The following SPMIP2 variants were observed in gnomAD, a reference collection of about 807,000 sequenced individuals.
The protein encoded by SPMIP2 is sperm microtubule inner protein 2, also known as protein SPMIP2.
the SPMIP2 span, among the ~76,000 whole-genome samples, chr4:159,032,589 C>G: frequency 3.9e-5 from 6 of 152,202 alleles, no homozygotes; most frequent in East Asian, 1.2e-3. Flanking sequence ...TTAATTAAGA[C>G]TCTTGCACAG....
the SPMIP2 span, chr4:159,007,130 C>A: frequency 1.5e-6 from 1 of 662,784 alleles, no homozygotes; most frequent in African/African-American, 1.8e-5. Flanking sequence ...ATGGCCAAGC[C>A]GTGTGGGGTG....
chr4:158,976,938 G>A, the SPMIP2 span, among the ~76,000 whole-genome samples: 1 of 152,042 alleles, frequency 6.6e-6, no homozygotes, highest in Admixed American at 6.6e-5. Flanking sequence ...GGGATTACAG[G>A]CATGAGCCAC....
chr4:159,007,290 A>T, the SPMIP2 span: 1 of 1,010,722 alleles, frequency 9.9e-7, no homozygotes, highest in South Asian at 1.3e-5. Context: ...GGCTGACCTG[A>T]CTTCCCTCCG....
the SPMIP2 span, among the ~76,000 whole-genome samples, chr4:158,908,668 ACT>A: frequency 6.6e-6 from 1 of 151,908 alleles, no homozygotes; most frequent in African/African-American, 2.4e-5. Flanking sequence ...ATTCATGAAG[ACT>A]CTGTATATAG....
the SPMIP2 span, among the ~76,000 whole-genome samples, chr4:159,049,068 TAGAA>T: frequency 8.5e-5 from 13 of 152,262 alleles, no homozygotes; most frequent in East Asian, 2.3e-3. Context: ...CTGATTTTCA[TAGAA>T]AGAAAATAAA....
chr4:158,987,654 A>C, the SPMIP2 span, among the ~76,000 whole-genome samples: 1 of 152,134 alleles, frequency 6.6e-6, no homozygotes. Flanking sequence ...GGGGAGGGAT[A>C]GCATTAGGAG....
At chr4:159,013,868 A>G in the SPMIP2 span, among the ~76,000 whole-genome samples, 8 of 152,334 alleles carry the variant, frequency 5.3e-5, 1 homozygote, top group Middle Eastern at 6.8e-3. Flanking sequence ...CAAATACTGC[A>G]TGATTTCACT....
the SPMIP2 span, among the ~76,000 whole-genome samples, chr4:158,952,839 G>A: frequency 1.3e-5 from 2 of 152,222 alleles, no homozygotes; most frequent in Non-Finnish European, 2.9e-5. Flanking sequence ...TTTTAGCAAA[G>A]AGACTGGTGG....
chr4:158,951,109 T>C, the SPMIP2 span, among the ~76,000 whole-genome samples: 1 of 152,248 alleles, frequency 6.6e-6, no homozygotes, highest in African/African-American at 2.4e-5. Flanking sequence ...TTCCCTGTTA[T>C]AAGCTTCTTG....
chr4:159,043,402 A>G, the SPMIP2 span, among the ~76,000 whole-genome samples: 1 of 152,078 alleles, frequency 6.6e-6, no homozygotes. Context: ...GCTGGAGTGC[A>G]GTGGCGCGAT....
the SPMIP2 span, among the ~76,000 whole-genome samples, chr4:159,006,251 G>T: frequency 6.6e-6 from 1 of 152,216 alleles, no homozygotes; most frequent in Non-Finnish European, 1.5e-5. Flanking sequence ...ATTTGTTAGA[G>T]AGGGAGAGGT....
the SPMIP2 span, among the ~76,000 whole-genome samples, chr4:158,971,956 C>T: frequency 6.6e-6 from 1 of 152,266 alleles, no homozygotes; most frequent in South Asian, 2.1e-4. Flanking sequence ...AACAAAGATG[C>T]AGAGAGGTGA....
chr4:158,973,043 A>G, the SPMIP2 span: 1 of 1,290,818 alleles, frequency 7.7e-7, no homozygotes, highest in Non-Finnish European at 1.1e-6. Context: ...GTTAGAAAAC[A>G]GTATACTATG....
chr4:158,926,125 T>C, the SPMIP2 span, among the ~76,000 whole-genome samples: 1 of 152,246 alleles, frequency 6.6e-6, no homozygotes, highest in Admixed American at 6.5e-5. Flanking sequence ...TAATGTTTTG[T>C]CAATTATATC....
the SPMIP2 span, chr4:158,895,820 G>A: frequency 6.8e-6 from 11 of 1,613,060 alleles, no homozygotes; most frequent in African/African-American, 4.0e-5. Flanking sequence ...GAATATCTCC[G>A]GGGACACACA....
At chr4:158,991,139 C>G in the SPMIP2 span, among the ~76,000 whole-genome samples, 1 of 152,164 alleles carries the variant, frequency 6.6e-6, no homozygotes, top group East Asian at 1.9e-4. Context: ...AGAAATGGTA[C>G]TTACTGATGA....
the SPMIP2 span, among the ~76,000 whole-genome samples, chr4:158,900,531 G>T: frequency 6.6e-6 from 1 of 152,168 alleles, no homozygotes; most frequent in Admixed American, 6.5e-5. Context: ...TGTATTGGTT[G>T]CATGTAGATT....
At chr4:159,017,773 G>A in the SPMIP2 span, among the ~76,000 whole-genome samples, 1 of 152,236 alleles carries the variant, frequency 6.6e-6, no homozygotes, top group African/African-American at 2.4e-5. Context: ...GCAGGAAAGT[G>A]ATTCAGATGC....
chr4:159,050,301 T>A, the SPMIP2 span, among the ~76,000 whole-genome samples: 2 of 149,816 alleles, frequency 1.3e-5, no homozygotes, highest in Non-Finnish European at 3.0e-5. Flanking sequence ...ACAGGCCTGC[T>A]GTATTGAAAG....
Sources: gnomAD v4.1 joint callset for allele counts (sites outside exome capture counted in the v4.1 genomes callset) on GRCh38, gnomAD v4.1.1 for gene constraint, MANE v1.5 for transcripts, NCBI Gene and HGNC (gene_info 2026-07-23, HGNC 2026-07-21) for gene names.